Variants in RANBP17 observed in about 807,000 individuals in gnomAD.
RANBP17 encodes the protein RAN binding protein 17.
Under a neutral mutation model 141.2 loss-of-function variants are expected in RANBP17, and 158 were observed. The observed-to-expected ratio is 1.12, with a 90% confidence interval of 0.98 to 1.28. RANBP17 has a LOEUF of 1.28. Among genes scored for constraint, RANBP17 ranks in the 50% most tolerant of loss-of-function variants. The pLI, the probability that RANBP17 is intolerant of heterozygous loss-of-function variation, is 0.00. For missense variants in RANBP17, 1,438 were observed against 1,290.7 expected, an observed-to-expected ratio of 1.11 and a Z score of -1.75; for synonymous variants, 430 against 450.0, an observed-to-expected ratio of 0.96 and a Z score of 0.56.
chr5:170,864,418 C>T lies in RANBP17; in HGVS notation c.18+2367C>T, dbSNP rs371723313. On this transcript the variant is annotated intron_variant, in intron 1 of 27. Coordinates refer to ENST00000523189, the MANE Select transcript of RANBP17 (RefSeq NM_022897.5). Reference sequence around the variant, plus strand: ...GCCAAAGGCCATCAGTGTGCACTTTCCCCAATGTCTCAAGCTCTGCTCCTA... The same window carrying T: ...GCCAAAGGCCATCAGTGTGCACTTTTCCCAATGTCTCAAGCTCTGCTCCTA... Among the ~76,000 whole-genome samples the T allele has an allele frequency of 4.1e-4, 63 of 152,284 alleles. 1 individual carries two copies. The South Asian group carries it at 0.013, about 31-fold the overall frequency.
chr5:171,200,032 T>C (rs1337351871), intron 19 of RANBP17, among the ~76,000 whole-genome samples: 1 of 152,222 alleles, frequency 6.6e-6, no homozygotes, highest in Non-Finnish European at 1.5e-5. Context: ...GTTACTATCT[T>C]TAATAGGATA....
At chr5:171,063,775 A>G (rs1222479334) in intron 14 of RANBP17, among the ~76,000 whole-genome samples, 1 of 152,204 alleles carries the variant, frequency 6.6e-6, no homozygotes, top group Non-Finnish European at 1.5e-5. Context: ...GGTGGAGCCT[A>G]CAGAGGCAGG....
chr5:171,287,310 G>T (rs1255819738), intron 25 of RANBP17, among the ~76,000 whole-genome samples: 1 of 152,118 alleles, frequency 6.6e-6, no homozygotes, highest in Non-Finnish European at 1.5e-5. Flanking sequence ...GGCCAACATG[G>T]TGAAACCCCA....
chr5:171,033,830 A>G (rs1236291410), intron 14 of RANBP17, among the ~76,000 whole-genome samples: 1 of 152,202 alleles, frequency 6.6e-6, no homozygotes, highest in Non-Finnish European at 1.5e-5. Flanking sequence ...ATGGATTTAA[A>G]GTTCTCAGTG....
At chr5:171,116,018 T>G (rs1258488221) in intron 14 of RANBP17, among the ~76,000 whole-genome samples, 1 of 152,160 alleles carries the variant, frequency 6.6e-6, no homozygotes, top group Non-Finnish European at 1.5e-5. Flanking sequence ...TTAATGAAAT[T>G]GTGACTTTGT....
chr5:171,007,079 A>C lies in RANBP17; in HGVS notation c.1710+38702A>C, dbSNP rs531960546. ...AGTGTGAGATTGGGCTAGAGAAAAA[A>C]GTCTTTCCCGTTCATCTGGGGAAAG... On this transcript the variant is annotated intron_variant, in intron 14 of 27. Transcript: ENST00000523189. Among the ~76,000 whole-genome samples the C allele has an allele frequency of 6.6e-5, 10 of 152,284 alleles. No homozygotes were observed. The East Asian group carries it at 1.9e-3, about 29-fold the overall frequency.
chr5:170,918,191 G>C (rs1472168868), intron 9 of RANBP17: 1 of 151,980 alleles, frequency 6.6e-6, no homozygotes, highest in African/African-American at 2.4e-5. Context: ...TAATTTGTTT[G>C]AATGACTGTC....
intron 14 of RANBP17, among the ~76,000 whole-genome samples, chr5:171,145,247 C>T (rs951736160): frequency 6.6e-6 from 1 of 152,076 alleles, no homozygotes; most frequent in Non-Finnish European, 1.5e-5. Context: ...AACAGTTGGT[C>T]TTTGGGGGCC....
chr5:170,899,003 G>A (rs942662072), intron 5 of RANBP17, among the ~76,000 whole-genome samples: 1 of 152,230 alleles, frequency 6.6e-6, no homozygotes, highest in Admixed American at 6.5e-5. Context: ...GGCTATATGG[G>A]CTCTTTTTTG....
chr5:171,236,734 G>C (rs1054411295), intron 22 of RANBP17, among the ~76,000 whole-genome samples: 2 of 152,002 alleles, frequency 1.3e-5, no homozygotes, highest in African/African-American at 4.8e-5. Flanking sequence ...TTTACTCCAC[G>C]TAAGAGCCTT....
At chr5:171,209,614 G>T (rs565412727) in intron 20 of RANBP17, among the ~76,000 whole-genome samples, 2 of 152,172 alleles carry the variant, frequency 1.3e-5, no homozygotes, top group Non-Finnish European at 2.9e-5. Context: ...ATGTCAGTGC[G>T]TTATAACAGA....
intron 16 of RANBP17, among the ~76,000 whole-genome samples, chr5:171,171,632 A>T (rs983854707): frequency 2.6e-5 from 4 of 151,980 alleles, no homozygotes; most frequent in African/African-American, 9.7e-5. Flanking sequence ...TCCTAAAAGA[A>T]AGTATGTAAC....
chr5:171,274,645 A>G (rs182109146), intron 25 of RANBP17, among the ~76,000 whole-genome samples: 1 of 152,290 alleles, frequency 6.6e-6, no homozygotes, highest in African/African-American at 2.4e-5. Context: ...TTTCTCCCTC[A>G]GAGATCACCT....
chr5:171,218,383 A>G (rs899793270), intron 21 of RANBP17, among the ~76,000 whole-genome samples: 5 of 152,156 alleles, frequency 3.3e-5, no homozygotes, highest in Admixed American at 6.5e-5. Context: ...TGGGGTGGAG[A>G]GTTCTGTAGA....
At chr5:170,982,777 G>T (rs570170133) in intron 14 of RANBP17, among the ~76,000 whole-genome samples, 1 of 152,222 alleles carries the variant, frequency 6.6e-6, no homozygotes, top group South Asian at 2.1e-4. Flanking sequence ...CCATATTAAG[G>T]TATAGTATTG....
At chr5:171,138,486 C>A (rs1299457534) in intron 14 of RANBP17, among the ~76,000 whole-genome samples, 1 of 150,378 alleles carries the variant, frequency 6.6e-6, no homozygotes, top group Non-Finnish European at 1.5e-5. Flanking sequence ...TACCCTCTTG[C>A]AGGCTCTTTT....
chr5:171,005,169 C>G (rs1194577370), intron 14 of RANBP17, among the ~76,000 whole-genome samples: 1 of 152,022 alleles, frequency 6.6e-6, no homozygotes, highest in Non-Finnish European at 1.5e-5. Context: ...CCATACTGCC[C>G]AAGGTAATTT....
chr5:171,184,516 C>T (rs933473175), intron 18 of RANBP17, among the ~76,000 whole-genome samples: 1 of 115,558 alleles, frequency 8.7e-6, no homozygotes, highest in Non-Finnish European at 2.0e-5. Flanking sequence ...TACAAAGTTT[C>T]AGGTAGAAAG....
At chr5:171,029,785 T>A (rs1216960678) in intron 14 of RANBP17, among the ~76,000 whole-genome samples, 1 of 152,084 alleles carries the variant, frequency 6.6e-6, no homozygotes, top group Non-Finnish European at 1.5e-5. Context: ...AGGAAAAAAA[T>A]CTACATGTAT....
Sources: gnomAD v4.1 joint callset for allele counts (sites outside exome capture counted in the v4.1 genomes callset) on GRCh38, gnomAD v4.1.1 for gene constraint, MANE v1.5 for transcripts, NCBI Gene and HGNC (gene_info 2026-07-23, HGNC 2026-07-21) for gene names.